The following NPHP4 variants were observed in gnomAD, a reference collection of about 807,000 sequenced individuals.
The protein encoded by NPHP4 is nephrocystin-4.
NPHP4 carries 151 observed loss-of-function variants against 155.8 expected under a neutral mutation model. The ratio of observed to expected loss-of-function variants is 0.97; its 90% CI spans 0.85 to 1.11. The LOEUF (loss-of-function observed/expected upper bound fraction) is 1.11, where lower values mean the gene tolerates loss of function less well. Ranked by LOEUF, NPHP4 falls within the 50% of genes least tolerant of loss-of-function variation. NPHP4 has a pLI of 0.00. For missense variants in NPHP4, 1,956 were observed against 1,925.7 expected (o/e 1.02, Z -0.29); for synonymous variants, 845 against 816.8 (o/e 1.03, Z -0.59).
intron 3 of NPHP4, 61 bp from the exon 4 acceptor site, chr1:5,969,320 G>A (rs1011548989): frequency 2.5e-6 from 3 of 1,191,298 alleles, no homozygotes; most frequent in Non-Finnish European, 3.4e-6. Flanking sequence ...GAGGACATGG[G>A]CGCTGTCCCC....
rs116720411 is a variant in NPHP4, at chr1:5,944,141, G to A, written c.1119+2963C>T. 2.8e-3 allele frequency among the ~76,000 whole-genome samples: 421 copies of A among 152,368 alleles called. 3 individuals carry two copies. The highest frequency in any genetic ancestry group is 9.4e-3 in the African/African-American group (393 of 41,590). ...AAAACGGGTTGTGGGAGAGGACATA[G>A]AAGAAGCAGATTGTCCAGGAAGCTG... On this transcript the variant is annotated intron_variant, in intron 9 of 29. Transcript: ENST00000378156. The surrounding 1 kb of genome is among the most constrained non-coding windows in gnomAD (Gnocchi z 4.3).
intron 12 of NPHP4, among the ~76,000 whole-genome samples, chr1:5,907,459 A>G (rs1381644450): frequency 6.6e-6 from 1 of 152,248 alleles, no homozygotes; most frequent in African/African-American, 2.4e-5. Context: ...TAATATCTGA[A>G]TAAGAATATT....
At chr1:5,933,473 G>A (rs1306473425) in intron 9 of NPHP4, 144 bp from the exon 10 acceptor site, 1 of 682,286 alleles carries the variant, frequency 1.5e-6, no homozygotes, top group Non-Finnish European at 2.6e-6. Context: ...TTTTATAAAA[G>A]GAACTAGGGC....
intron 11 of NPHP4, among the ~76,000 whole-genome samples, chr1:5,915,574 C>T (rs1414513988): frequency 2.0e-5 from 3 of 152,166 alleles, no homozygotes; most frequent in Non-Finnish European, 4.4e-5. Flanking sequence ...GCACAGGACT[C>T]TGTGCTGCAG....
chr1:5,895,987 G>C (rs1401402305), intron 16 of NPHP4, among the ~76,000 whole-genome samples: 1 of 152,232 alleles, frequency 6.6e-6, no homozygotes, highest in Admixed American at 6.5e-5. Context: ...GGCGACGTCT[G>C]CGCAGCCAAA....
chr1:5,960,530 G>A (rs923385782), intron 6 of NPHP4, among the ~76,000 whole-genome samples: 4 of 151,838 alleles, frequency 2.6e-5, no homozygotes, highest in African/African-American at 4.8e-5. Flanking sequence ...CTCGGTCCCC[G>A]CCCCTCACAC....
At chr1:5,935,561 A>G (rs746121449) in intron 9 of NPHP4, among the ~76,000 whole-genome samples, 49 of 152,236 alleles carry the variant, frequency 3.2e-4, no homozygotes, top group Non-Finnish European at 5.4e-4. Context: ...CATGGTGATT[A>G]TAACTCCACT....
At position 5,889,638 on chromosome 1, in the gene NPHP4, T is replaced by C. The variant is rs113578605; in HGVS notation, c.2304+1230A>G. On this transcript the variant is annotated intron_variant, in intron 17 of 29. Coordinates refer to ENST00000378156, the MANE Select transcript of NPHP4 (RefSeq NM_015102.5). The surrounding 1 kb of genome is among the most constrained non-coding windows in gnomAD (Gnocchi z 4.2). ...CTGCCTCCTTTACGCCTCCCCACCA[T>C]GCAGAGCCTGCTGGGGCTGAGGCCT... 3.3e-3 allele frequency among the ~76,000 whole-genome samples: 501 copies of C among 152,268 alleles called. 3 individuals are homozygous for C. Among genetic ancestry groups the C allele is most frequent in the African/African-American group, 0.011 (469 of 41,554 alleles).
chr1:5,953,342 G>A (rs925019202), intron 6 of NPHP4, among the ~76,000 whole-genome samples: 2 of 152,180 alleles, frequency 1.3e-5, no homozygotes, highest in Non-Finnish European at 2.9e-5. Flanking sequence ...CTAACCTTGT[G>A]ATCCGCCTAC....
chr1:5,909,449 T>A (rs962692171), intron 11 of NPHP4, among the ~76,000 whole-genome samples: 1 of 152,162 alleles, frequency 6.6e-6, no homozygotes, highest in Non-Finnish European at 1.5e-5. Flanking sequence ...ACAGCTGGCC[T>A]CGTCCTCACT....
chr1:5,969,126 T>C lies in NPHP4; in HGVS notation c.413A>G (p.Asn138Ser). 1 of 1,551,382 alleles carries C rather than the reference T, an allele frequency of 6.4e-7. No individual in the cohort carries two copies. The highest frequency in any genetic ancestry group is 1.4e-5 in the African/African-American group (1 of 73,056). The change falls in exon 4 of 30, where the codon AAC (asparagine) becomes AGC (serine). Residue 138 changes from asparagine (N) to serine (S), a missense_variant. Asn to Ser is a conservative substitution (Grantham distance 46). Coordinates refer to ENST00000378156, the MANE Select transcript of NPHP4 (RefSeq NM_015102.5). ...CGFGILRIFSNQPDSPISASQ... is the reference protein window; with the variant it reads ...CGFGILRIFSSQPDSPISASQ... ...AGCAGAGATAGGAGAGTCCGGCTGG[T>C]TGCTGAAGATCCGAAGAATTCCAAA...
chr1:5,867,738 G>A lies in NPHP4; in HGVS notation c.3472+2C>T, dbSNP rs746549067. 29 of 1,609,062 alleles carry A rather than the reference G, an allele frequency of 1.8e-5. No homozygotes were observed. The highest frequency in any genetic ancestry group is 2.5e-5 in the Non-Finnish European group (29 of 1,179,760). ...GGGCTGCAGGGTCAGTGCAGGACCTGCCTGGAAATGTGTGCCAGGGCGGCA... is the reference window on the plus strand; with the variant it reads ...GGGCTGCAGGGTCAGTGCAGGACCTACCTGGAAATGTGTGCCAGGGCGGCA... On this transcript the variant is annotated splice_donor_variant, in intron 24 of 29. Coordinates refer to ENST00000378156, the MANE Select transcript of NPHP4 (RefSeq NM_015102.5). LOFTEE classifies it low-confidence loss of function (GC_TO_GT_DONOR). This position sits in a 1 kb window ranked among gnomAD's most constrained non-coding sequence, Gnocchi z 4.1.
In NPHP4 at chr1:5,910,758, C is replaced by G. The variant is rs1308790113; in HGVS notation, c.1442-1545G>C. Among the ~76,000 whole-genome samples the G allele has an allele frequency of 6.6e-6, 1 of 152,230 alleles. No individual in the cohort carries two copies. Among genetic ancestry groups the G allele is most frequent in the Non-Finnish European group, 1.5e-5 (1 of 68,038 alleles). On this transcript the variant is annotated intron_variant, in intron 11 of 29. Transcript: ENST00000378156. The surrounding 1 kb of genome is among the most constrained non-coding windows in gnomAD (Gnocchi z 5.4). ...CGCCCTAACACCAGAGCTGCACGAC[C>G]ATCGGAGCCAATCCCCGCCGTGCCT...
At chr1:5,954,822 A>C (rs1648871921) in intron 6 of NPHP4, among the ~76,000 whole-genome samples, 1 of 152,188 alleles carries the variant, frequency 6.6e-6, no homozygotes, top group Non-Finnish European at 1.5e-5. Flanking sequence ...CTGTGAAAGG[A>C]TTTTTTTAAA....
intron 16 of NPHP4, among the ~76,000 whole-genome samples, chr1:5,899,266 A>C (rs1644551036): frequency 6.6e-6 from 1 of 152,206 alleles, no homozygotes. Flanking sequence ...AACCCATTCC[A>C]ACGCCTGTTT....
At chr1:5,970,465 C>T (rs181310428) in intron 3 of NPHP4, among the ~76,000 whole-genome samples, 7 of 152,156 alleles carry the variant, frequency 4.6e-5, no homozygotes, top group Non-Finnish European at 7.4e-5. Context: ...ATCACGCCAC[C>T]GCACTCCAGC....
intron 2 of NPHP4, among the ~76,000 whole-genome samples, chr1:5,980,791 G>T (rs1235043552): frequency 6.6e-6 from 1 of 151,934 alleles, no homozygotes; most frequent in African/African-American, 2.4e-5. Flanking sequence ...TTATCCATGA[G>T]GACAGGGAAG....
chr1:5,928,613 T>C (rs1208048360), intron 10 of NPHP4, among the ~76,000 whole-genome samples: 1 of 152,234 alleles, frequency 6.6e-6, no homozygotes, highest in Non-Finnish European at 1.5e-5. Flanking sequence ...CAAACTTTAT[T>C]TCTGGACTCT....
chr1:5,904,971 C>G (rs930670190), intron 15 of NPHP4, among the ~76,000 whole-genome samples, 167 bp from the exon 16 acceptor site: 1 of 152,164 alleles, frequency 6.6e-6, no homozygotes, highest in African/African-American at 2.4e-5. Context: ...CTCAGCAAGC[C>G]GGCCAGACAG....
Sources: gnomAD v4.1 joint callset for allele counts (sites outside exome capture counted in the v4.1 genomes callset) on GRCh38, gnomAD v4.1.1 for gene constraint, Gnocchi (gnomAD v3.1) non-coding constraint, MANE v1.5 for transcripts, NCBI Gene and HGNC (gene_info 2026-07-23, HGNC 2026-07-21) for gene names.